The following TMC7 variants were observed in gnomAD, a reference collection of about 807,000 sequenced individuals.
The protein encoded by TMC7 is transmembrane channel-like protein 7.
A neutral mutation model predicts 82.9 loss-of-function variants in TMC7; 54 were observed. The observed-to-expected ratio is 0.65, with a 90% CI of 0.52 to 0.82. The LOEUF is 0.82. TMC7 is among the 40% of genes least tolerant of loss of function. The pLI is 0.00. For missense variants in TMC7, 820 were observed against 901.2 expected, an observed-to-expected ratio of 0.91 and a Z score of 1.15; for synonymous variants, 350 against 337.9, an observed-to-expected ratio of 1.04 and a Z score of -0.39.
rs1960723524 is a variant in TMC7 at position 19,035,855 on chromosome 16, T to C, written c.1005+32T>C. 4 of 1,537,172 alleles carry C rather than the reference T, an allele frequency of 2.6e-6. No homozygotes were observed. The South Asian group carries it at 3.9e-5, about 15-fold the overall frequency. ...GCTCCTGAGTTTGTCCGTGGTGGGG[T>C]CCTCACCAGCAAGGTCCTGCCTTTG... On this transcript the variant is annotated intron_variant, in intron 7 of 15. Transcript: ENST00000304381.
intron 3 of TMC7, among the ~76,000 whole-genome samples, chr16:19,017,013 G>A (rs1037627192): frequency 3.3e-5 from 5 of 151,882 alleles, no homozygotes; most frequent in Non-Finnish European, 4.4e-5. Context: ...GTGAAATCCC[G>A]TCTCTACTAA....
chr16:19,044,768 C>CA (rs1165792461), intron 9 of TMC7, 116 bp from the exon 10 acceptor site: 20,984 of 287,362 alleles, frequency 0.073, 64 homozygotes, highest in East Asian at 0.1. Flanking sequence ...CACTCCATCT[C>CA]AAAAAAAAAA....
chr16:19,013,108 A>C (rs1959469944), intron 2 of TMC7, among the ~76,000 whole-genome samples: 2 of 148,588 alleles, frequency 1.3e-5, no homozygotes, highest in Non-Finnish European at 3.0e-5. Context: ...TAGCCACCGC[A>C]CCGGGCCAGG....
rs111805476 is a variant in TMC7 at position 19,006,001 on chromosome 16, T to C, written c.68-3171T>C. On this transcript the variant is annotated intron_variant, in intron 1 of 15. Transcript: ENST00000304381. ...CTTGCCTATCCGAGAAAGGCAAAGA[T>C]TACAGTGTCAGAGCCAGGCCTTGAC... Among the ~76,000 whole-genome samples the C allele has an allele frequency of 2.6e-3, 390 of 152,276 alleles. 2 individuals carry two copies. Among genetic ancestry groups the C allele is most frequent in the African/African-American group, 9.2e-3 (381 of 41,566 alleles).
At chr16:19,044,430 G>A (rs761369757) in intron 9 of TMC7, among the ~76,000 whole-genome samples, 1 of 151,584 alleles carries the variant, frequency 6.6e-6, no homozygotes, top group African/African-American at 2.4e-5. Flanking sequence ...AAGGGCTCAC[G>A]TGATCCTCTG....
intron 5 of TMC7, among the ~76,000 whole-genome samples, chr16:19,024,925 G>A (rs1960151872): frequency 2.0e-5 from 3 of 152,112 alleles, no homozygotes. Context: ...AGAATGATGT[G>A]AACCCGGGAG....
chr16:18,985,077 T>C (rs902263427), intron 1 of TMC7, among the ~76,000 whole-genome samples: 9 of 152,070 alleles, frequency 5.9e-5, no homozygotes, highest in Admixed American at 3.3e-4. Flanking sequence ...CTGGCCAAGA[T>C]GGTGAAACCC....
chr16:19,007,205 G>A (rs909376996), intron 1 of TMC7, among the ~76,000 whole-genome samples: 2 of 151,998 alleles, frequency 1.3e-5, no homozygotes, highest in African/African-American at 2.4e-5. Flanking sequence ...GTAGGCTTAG[G>A]GGCTCTTCCT....
chr16:19,021,544 G>A lies in TMC7; in HGVS notation c.461-85G>A, dbSNP rs1381498336. The A allele has an allele frequency of 1.3e-5, 19 of 1,440,654 alleles. No individual in the cohort carries two copies. The East Asian group carries it at 4.2e-4, about 32-fold the overall frequency. 89.2% of individuals were successfully genotyped at this position (1,440,654 alleles called of 1,614,324 possible). On this transcript the variant is annotated intron_variant, in intron 3 of 15. Coordinates refer to ENST00000304381, the MANE Select transcript of TMC7 (RefSeq NM_024847.4). ...CTCCTTCCAGCTACTGATTCCTCCA[G>A]CTTCAGCTTTTGTGGCTGATTGAAT...
rs181206181 is a variant in TMC7 at position 19,054,945 on chromosome 16, G to A, written c.1872-1597G>A. On this transcript the variant is annotated intron_variant, in intron 13 of 15. Transcript: ENST00000304381. ...GTATTTTTAGTAGAGACGGGGTTTC[G>A]CCATATTGGGCAGGCTGCTCTTGAA... Among the ~76,000 whole-genome samples the A allele has an allele frequency of 4.7e-3, 716 of 151,850 alleles. 4 individuals are homozygous for A. Among genetic ancestry groups the A allele is most frequent in the Middle Eastern group, 0.031 (9 of 294 alleles).
In TMC7 at chr16:19,056,743, C is replaced by CATTG. The variant is rs1961792336; in HGVS notation, c.2027+47_2027+50dup. 3 of 1,597,384 alleles carry CATTG rather than the reference C, an allele frequency of 1.9e-6. No homozygotes were observed. The Middle Eastern group carries it at 5.0e-4, about 269-fold the overall frequency. On this transcript the variant is annotated intron_variant, in intron 14 of 15. Coordinates refer to ENST00000304381, the MANE Select transcript of TMC7 (RefSeq NM_024847.4). ...CCCACTGAGGCACGTGGGCTCCTCC[C>CATTG]ATTGGGAAATGGCGGCGGTCGGGGC... is the stretch of plus-strand genomic sequence containing the variant.
intron 1 of TMC7, among the ~76,000 whole-genome samples, chr16:18,994,690 C>G (rs747792191): frequency 1.3e-5 from 2 of 151,870 alleles, no homozygotes; most frequent in Non-Finnish European, 2.9e-5. Flanking sequence ...TTTGGCACCA[C>G]GGGGTGGATA....
At chr16:19,026,673 A>T (rs1186270294) in intron 5 of TMC7, among the ~76,000 whole-genome samples, 1 of 152,200 alleles carries the variant, frequency 6.6e-6, no homozygotes, top group Non-Finnish European at 1.5e-5. Flanking sequence ...TCAATAAAGT[A>T]AGCATGATAA....
chr16:19,061,201 C>T (rs1451773917), intron 15 of TMC7, among the ~76,000 whole-genome samples: 7 of 151,962 alleles, frequency 4.6e-5, no homozygotes, highest in South Asian at 2.1e-4. Flanking sequence ...GACGGGGTTT[C>T]GGGGTTTCAC....
chr16:19,043,325 T>G (rs1466596486), intron 9 of TMC7, among the ~76,000 whole-genome samples: 1 of 152,180 alleles, frequency 6.6e-6, no homozygotes, highest in Non-Finnish European at 1.5e-5. Context: ...CAGGACTGTG[T>G]CATGTCTTGT....
At chr16:19,045,509 A>ACAC in intron 11 of TMC7, 71 bp downstream of exon 11, 7 of 1,071,332 alleles carry the variant, frequency 6.5e-6, no homozygotes, top group Non-Finnish European at 8.7e-6. Context: ...ACACACACAC[A>ACAC]ACTGGAGGGT....
chr16:19,039,745 T>A lies in TMC7; in HGVS notation c.1180-544T>A, dbSNP rs73528926. The stretch of plus-strand genomic sequence containing the variant: ...TATACAGAATACATGGGTCTTCTTA[T>A]ACATCCCTTTAATAAATCCAGTAGA... On this transcript the variant is annotated intron_variant, in intron 8 of 15. Transcript: ENST00000304381. Among the ~76,000 whole-genome samples, 1,386 of 152,308 alleles carry A rather than the reference T, an allele frequency of 9.1e-3. 11 individuals are homozygous for A. The highest frequency in any genetic ancestry group is 0.051 in the Middle Eastern group (15 of 294).
At chr16:18,997,624 G>A (rs2039066046) in intron 1 of TMC7, among the ~76,000 whole-genome samples, 1 of 151,746 alleles carries the variant, frequency 6.6e-6, no homozygotes, top group East Asian at 1.9e-4. Flanking sequence ...GCCACCTCTG[G>A]CCTCCAAAGT....
At chr16:19,028,378 AT>A (rs1460970183) in intron 5 of TMC7, among the ~76,000 whole-genome samples, 1 of 135,404 alleles carries the variant, frequency 7.4e-6, no homozygotes, top group African/African-American at 2.7e-5. Flanking sequence ...CTACTTTTTT[AT>A]TTAAAAAAAA....
Sources: allele counts gnomAD v4.1 joint callset (sites outside exome capture counted in the v4.1 genomes callset), GRCh38; gene constraint gnomAD v4.1.1; transcripts MANE v1.5; gene names NCBI Gene and HGNC (gene_info 2026-07-23, HGNC 2026-07-21).